The following KIF13A variants were observed in gnomAD, a reference collection of about 807,000 sequenced individuals.
KIF13A encodes kinesin family member 13A, also known as kinesin-like protein KIF13A.
A neutral mutation model predicts 212.2 loss-of-function variants in KIF13A; 79 were observed. The observed-to-expected ratio is 0.37, with a 90% CI of 0.31 to 0.45. The LOEUF is 0.45. Ranked by LOEUF, KIF13A falls within the 20% of genes least tolerant of loss-of-function variation. The pLI is 1.00. For synonymous variants in KIF13A, 789 were observed against 808.6 expected, an observed-to-expected ratio of 0.98 and a Z score of 0.41; for missense variants, 1,901 against 2,209.0, an observed-to-expected ratio of 0.86 and a Z score of 2.79.
intron 3 of KIF13A, among the ~76,000 whole-genome samples, chr6:17,880,156 G>A (rs1393279335): frequency 6.6e-6 from 1 of 151,998 alleles, no homozygotes; most frequent in Non-Finnish European, 1.5e-5. Flanking sequence ...GGCTCGCTGT[G>A]TTGCCCAAGC....
chr6:17,877,127 T>C (rs1374359881), intron 3 of KIF13A, among the ~76,000 whole-genome samples: 1 of 133,064 alleles, frequency 7.5e-6, no homozygotes, highest in African/African-American at 3.0e-5. Flanking sequence ...TTATACGCAA[T>C]GTTCTCTCTC....
At chr6:17,868,699 T>C (rs753273395) in intron 4 of KIF13A, among the ~76,000 whole-genome samples, 2 of 151,860 alleles carry the variant, frequency 1.3e-5, no homozygotes, top group African/African-American at 2.4e-5. Context: ...AGATAATATA[T>C]TTCAAATGTA....
Position 17,773,284 on chromosome 6 carries a change from A to G in KIF13A, c.4324+194T>C, listed in dbSNP as rs1298627440. 2.6e-5 allele frequency among the ~76,000 whole-genome samples: 4 copies of G among 152,214 alleles called. No individual in the cohort carries two copies. Among genetic ancestry groups the G allele is most frequent in the Non-Finnish European group, 5.9e-5 (4 of 68,042 alleles). On this transcript the variant is annotated intron_variant, in intron 36 of 38. Coordinates refer to ENST00000259711, the MANE Select transcript of KIF13A (RefSeq NM_022113.6). The surrounding 1 kb of genome is among the most constrained non-coding windows in gnomAD (Gnocchi z 4.2). Reference sequence around the variant, plus strand: ...CAAAAAGTCTATGATTATTTGGGTGATATGTTGGATACAAAACAAAAATAA... The same window carrying G: ...CAAAAAGTCTATGATTATTTGGGTGGTATGTTGGATACAAAACAAAAATAA...
At position 17,763,730 on chromosome 6, in the gene KIF13A, T is replaced by C. The variant is rs1196116109; in HGVS notation, c.*380A>G. The C allele has an allele frequency of 1.6e-6, 1 of 619,214 alleles. No homozygotes were observed. Among genetic ancestry groups the C allele is most frequent in the Non-Finnish European group, 2.1e-6 (1 of 483,068 alleles). 38.4% of individuals were successfully genotyped at this position (619,214 alleles called of 1,614,324 possible). ...AGAGTTTAATTGGCAGTATTTTTTC[T>C]TAATGATACATAAAATAATGGTTCA... On this transcript the variant is annotated 3_prime_UTR_variant, in exon 39 of 39. Transcript: ENST00000259711.
In KIF13A at chr6:17,856,018, G is replaced by A. The variant is rs374169032; in HGVS notation, c.313+12C>T. ...GATCCCCCACATCTGGTCTATAAAAGCAACTTCTTACCTGTCTGTCCATAT... is the reference window on the plus strand; with the variant it reads ...GATCCCCCACATCTGGTCTATAAAAACAACTTCTTACCTGTCTGTCCATAT... On this transcript the variant is annotated intron_variant, in intron 5 of 38. Coordinates refer to ENST00000259711, the MANE Select transcript of KIF13A (RefSeq NM_022113.6). This position sits in a 1 kb window ranked among gnomAD's most constrained non-coding sequence, Gnocchi z 4.5. 8.2e-6 allele frequency: 13 copies of A among 1,587,606 alleles called. No individual in the cohort carries two copies. The highest frequency in any genetic ancestry group is 1.1e-5 in the Non-Finnish European group (13 of 1,157,354).
At chr6:17,810,069 A>G (rs1763302239) in intron 17 of KIF13A, among the ~76,000 whole-genome samples, 1 of 152,204 alleles carries the variant, frequency 6.6e-6, no homozygotes, top group Admixed American at 6.5e-5. Context: ...TCTATTAAAA[A>G]AAAACAAAAA....
At chr6:17,945,634 T>A (rs1199583288) in intron 2 of KIF13A, among the ~76,000 whole-genome samples, 9 of 152,164 alleles carry the variant, frequency 5.9e-5, no homozygotes, top group Admixed American at 2.0e-4. Context: ...TAAACAGATA[T>A]ACCATGTTTT....
At chr6:17,821,332 A>T (rs1764414220) in intron 16 of KIF13A, among the ~76,000 whole-genome samples, 1 of 152,188 alleles carries the variant, frequency 6.6e-6, no homozygotes, top group Non-Finnish European at 1.5e-5. Flanking sequence ...TTACTCTAGA[A>T]ACTAAAAAAA....
At position 17,918,023 on chromosome 6, in the gene KIF13A, T is replaced by C. The variant is rs1043702727; in HGVS notation, c.147-19843A>G. Among the ~76,000 whole-genome samples the C allele has an allele frequency of 6.6e-6, 1 of 152,054 alleles. No homozygotes were observed. Among genetic ancestry groups the C allele is most frequent in the Admixed American group, 6.6e-5 (1 of 15,252 alleles). On this transcript the variant is annotated intron_variant, in intron 2 of 38. Coordinates refer to ENST00000259711, the MANE Select transcript of KIF13A (RefSeq NM_022113.6). The surrounding 1 kb of genome is among the most constrained non-coding windows in gnomAD (Gnocchi z 4.8). ...CTGACCTTCCTGTCCTGGAATTCTG[T>C]TTCCTCGTGGCACCTGTTGCACTTT... is the stretch of plus-strand genomic sequence containing the variant.
chr6:17,892,092 A>C lies in KIF13A; in HGVS notation c.159+6076T>G, dbSNP rs1772115119. ...AGCATCCTATCAGATGGCTGCCATCACTTCCAACTCAGCCCACTCTAGAAC... is the reference window on the plus strand; with the variant it reads ...AGCATCCTATCAGATGGCTGCCATCCCTTCCAACTCAGCCCACTCTAGAAC... On this transcript the variant is annotated intron_variant, in intron 3 of 38. Transcript: ENST00000259711. This position sits in a 1 kb window ranked among gnomAD's most constrained non-coding sequence, Gnocchi z 4.7. Among the ~76,000 whole-genome samples the C allele has an allele frequency of 6.6e-6, 1 of 152,150 alleles. No homozygotes were observed. The highest frequency in any genetic ancestry group is 2.4e-5 in the African/African-American group (1 of 41,426).
intron 4 of KIF13A, among the ~76,000 whole-genome samples, chr6:17,859,469 CAA>C (rs150383634): frequency 1.4e-3 from 205 of 149,674 alleles, no homozygotes; most frequent in African/African-American, 4.7e-3. Flanking sequence ...ACCAAAAAAA[CAA>C]GAGTAAATTT....
chr6:17,978,020 A>T (rs773115227), intron 2 of KIF13A, among the ~76,000 whole-genome samples: 2 of 152,224 alleles, frequency 1.3e-5, no homozygotes, highest in African/African-American at 2.4e-5. Context: ...TAATTTGATA[A>T]AATAGTCCTA....
rs561225432 is a variant in KIF13A, at chr6:17,862,764, T to C, written c.221-6642A>G. On this transcript the variant is annotated intron_variant, in intron 4 of 38. Transcript: ENST00000259711. ...GAGATTGAGACCAACCTGGCTAACA[T>C]GGTGAAATCCCATCTCTACTAAAAA... Among the ~76,000 whole-genome samples, 20 of 152,178 alleles carry C rather than the reference T, an allele frequency of 1.3e-4. No individual in the cohort carries two copies. The East Asian group carries it at 2.7e-3, about 21-fold the overall frequency.
At chr6:17,820,566 C>T in intron 16 of KIF13A, among the ~76,000 whole-genome samples, 1 of 152,164 alleles carries the variant, frequency 6.6e-6, no homozygotes, top group South Asian at 2.1e-4. Context: ...GATTATTCAG[C>T]CCTTTCTCAA....
Position 17,785,631 on chromosome 6 carries a change from C to T in KIF13A, c.3372G>A (p.Glu1124=), listed in dbSNP as rs1760990013. 6.2e-7 allele frequency: 1 copy of T among 1,603,710 alleles called. No homozygotes were observed. Among genetic ancestry groups the T allele is most frequent in the Non-Finnish European group, 8.5e-7 (1 of 1,175,292 alleles). Reference sequence around the variant, plus strand: ...GCTGGGCTTCCCGCTCCACATCGTCCTCTGTTTTCTCTGCAGAAAAAAATG... The same window carrying T: ...GCTGGGCTTCCCGCTCCACATCGTCTTCTGTTTTCTCTGCAGAAAAAAATG... ...KKVSNKTEKT[E]DDVEREAQLV... Residue 1124 remains glutamate (E), a synonymous_variant, in exon 28 of 39, where the codon GAG becomes GAA. Coordinates refer to ENST00000259711, the MANE Select transcript of KIF13A (RefSeq NM_022113.6). The surrounding 1 kb of genome is among the most constrained non-coding windows in gnomAD (Gnocchi z 5.8).
chr6:17,858,079 TTATGTG>T (rs1450640994), intron 4 of KIF13A, among the ~76,000 whole-genome samples: 103 of 112,422 alleles, frequency 9.2e-4, no homozygotes, highest in African/African-American at 3.6e-3. Context: ...TGTCAAATAG[TTATGTG>T]TGTGTGTGTG....
rs1283746153 is a variant in KIF13A at position 17,783,523 on chromosome 6, G to A, written c.3544+123C>T. The A allele has an allele frequency of 1.4e-6, 1 of 714,490 alleles. No individual in the cohort carries two copies. Among genetic ancestry groups the A allele is most frequent in the African/African-American group, 1.8e-5 (1 of 56,222 alleles). The allele number at this position is 714,490 out of a possible 1,614,324, so 44.3% of individuals were successfully genotyped here. A position where few individuals can be genotyped will look rare whatever the true frequency, so the allele number is the denominator to read the frequency against. On this transcript the variant is annotated intron_variant, in intron 29 of 38. Transcript: ENST00000259711. The surrounding 1 kb of genome is among the most constrained non-coding windows in gnomAD (Gnocchi z 4.3). ...ATATACGTTTAATGAGAACAAAAAT[G>A]TCACCCAATTTGGCACATGAATGAT...
rs932229951 is a variant in KIF13A at position 17,801,517 on chromosome 6, A to AAAC, written c.2455-1407_2455-1405dup. Among the ~76,000 whole-genome samples, 3 of 152,274 alleles carry AAAC rather than the reference A, an allele frequency of 2.0e-5. No homozygotes were observed. The South Asian group carries it at 6.2e-4, about 32-fold the overall frequency. ...ACTCGGTCTCAAACAACAACAACAA[A>AAAC]AACAACAACAACAACAGCAACAAAA... On this transcript the variant is annotated intron_variant, in intron 20 of 38. Transcript: ENST00000259711.
In KIF13A at chr6:17,939,920, G is replaced by A. The variant is rs571211839; in HGVS notation, c.147-41740C>T. On this transcript the variant is annotated intron_variant, in intron 2 of 38. Coordinates refer to ENST00000259711, the MANE Select transcript of KIF13A (RefSeq NM_022113.6). ...CTGGGCGTGGTGGCGGGCGCCTATA[G>A]TGCCAGCTACTCGGGAGGCTGAGGC... Among the ~76,000 whole-genome samples, 13 of 151,956 alleles carry A rather than the reference G, an allele frequency of 8.6e-5. No homozygotes were observed. In the East Asian group the frequency reaches 2.3e-3, roughly 27 times the overall value.
Sources: allele counts gnomAD v4.1 joint callset (sites outside exome capture counted in the v4.1 genomes callset), GRCh38; gene constraint gnomAD v4.1.1; non-coding constraint Gnocchi (gnomAD v3.1); transcripts MANE v1.5; gene names NCBI Gene and HGNC (gene_info 2026-07-23, HGNC 2026-07-21).